The following SNX29 variants were observed in gnomAD, a reference collection of about 807,000 sequenced individuals.
The protein encoded by SNX29 is sorting nexin-29.
SNX29 carries 78 observed loss-of-function variants against 102.1 expected under a neutral mutation model. The observed-to-expected ratio is 0.76, with a 90% CI of 0.64 to 0.92. The LOEUF is 0.92. Among genes scored for constraint, SNX29 ranks in the 40% least tolerant of loss-of-function variants. The pLI is 0.00. For synonymous variants in SNX29, 580 were observed against 414.5 expected (o/e 1.40, Z -4.85); for missense variants, 1,280 against 1,061.7 (o/e 1.21, Z -2.86).
At position 12,571,756 on chromosome 16, in the gene SNX29, C is replaced by G; in HGVS notation, c.*3127C>G. 2 of 1,016,326 alleles carry G rather than the reference C, an allele frequency of 2.0e-6. No homozygotes were observed. Among genetic ancestry groups the G allele is most frequent in the Non-Finnish European group, 2.4e-6 (2 of 835,666 alleles). The allele number at this position is 1,016,326 out of a possible 1,614,324, so 63.0% of individuals were successfully genotyped here. A position where few individuals can be genotyped will look rare whatever the true frequency, so the allele number is the denominator to read the frequency against. ...TAGAAACCTAGCCCAACCATCCACTCCTGATCTGAGACAGAACCTTCTCCG... is the reference window on the plus strand; with the variant it reads ...TAGAAACCTAGCCCAACCATCCACTGCTGATCTGAGACAGAACCTTCTCCG... On this transcript the variant is annotated 3_prime_UTR_variant, in exon 21 of 21. Transcript: ENST00000566228.
chr16:12,015,794 C>T (rs557625224), intron 3 of SNX29, among the ~76,000 whole-genome samples: 1 of 152,150 alleles, frequency 6.6e-6, no homozygotes, highest in African/African-American at 2.4e-5. Context: ...CTTGGCCTCC[C>T]AAAGTGCTAG....
intron 16 of SNX29, among the ~76,000 whole-genome samples, chr16:12,363,996 C>T (rs2082378832): frequency 6.6e-6 from 1 of 151,930 alleles, no homozygotes; most frequent in Non-Finnish European, 1.5e-5. Flanking sequence ...ACTATATATA[C>T]TTTACTTTTT....
At chr16:11,994,775 C>T (rs1167386786) in intron 1 of SNX29, among the ~76,000 whole-genome samples, 2 of 152,174 alleles carry the variant, frequency 1.3e-5, no homozygotes, top group Non-Finnish European at 2.9e-5. Flanking sequence ...GCTGTACTCT[C>T]CACTGGATTC....
chr16:12,235,672 C>T (rs894897025), intron 14 of SNX29, among the ~76,000 whole-genome samples: 1 of 151,988 alleles, frequency 6.6e-6, no homozygotes, highest in African/African-American at 2.4e-5. Flanking sequence ...GAAAAAACCT[C>T]TGGGTAAAAA....
intron 15 of SNX29, among the ~76,000 whole-genome samples, chr16:12,316,311 G>A (rs904063064): frequency 6.6e-6 from 1 of 152,128 alleles, no homozygotes; most frequent in Non-Finnish European, 1.5e-5. Context: ...TCACAAGGCC[G>A]AGGTGGGTGG....
At position 12,570,026 on chromosome 16, in the gene SNX29, C is replaced by T. The variant is rs1020454217; in HGVS notation, c.*1397C>T. The T allele has an allele frequency of 2.6e-5, 9 of 347,184 alleles. No homozygotes were observed. Among genetic ancestry groups the T allele is most frequent in the Middle Eastern group, 1.0e-3 (1 of 1,002 alleles). The allele number at this position is 347,184 out of a possible 1,614,324, so 21.5% of individuals were successfully genotyped here. On this transcript the variant is annotated 3_prime_UTR_variant, in exon 21 of 21. Transcript: ENST00000566228. ...TTAAAATGAGAACTGCCCAGGTGAGCATGGAGCATCTCCTAGGCTCGAGGA... is the reference window on the plus strand; with the variant it reads ...TTAAAATGAGAACTGCCCAGGTGAGTATGGAGCATCTCCTAGGCTCGAGGA...
chr16:12,555,323 GT>G (rs1366272219), intron 20 of SNX29, among the ~76,000 whole-genome samples: 2 of 151,748 alleles, frequency 1.3e-5, no homozygotes, highest in Non-Finnish European at 2.9e-5. Context: ...TAGCCCCAGT[GT>G]TTCTTGGCAC....
rs115044329 is a variant in SNX29, at chr16:12,087,863, T to C, written c.1402+8948T>C. The C allele has an allele frequency of 3.6e-3, 1,634 of 456,808 alleles. 26 individuals are homozygous for C. The highest frequency in any genetic ancestry group is 0.029 in the African/African-American group (1,457 of 50,156). The allele number at this position is 456,808 out of a possible 1,614,324, so 28.3% of individuals were successfully genotyped here. ...GGTTGACGTGGCTGGGAAGCAGCAG[T>C]GTTTTGTGTTCGATAGGCTAAGCTG... On this transcript the variant is annotated intron_variant, in intron 11 of 20. Transcript: ENST00000566228.
intron 15 of SNX29, among the ~76,000 whole-genome samples, chr16:12,348,144 T>C (rs902507091): frequency 5.9e-5 from 9 of 152,166 alleles, no homozygotes; most frequent in Admixed American, 1.3e-4. Context: ...CACAAGGTCA[T>C]CCAGCAGTGA....
chr16:12,128,003 C>T (rs2054292623), intron 12 of SNX29, among the ~76,000 whole-genome samples: 1 of 152,132 alleles, frequency 6.6e-6, no homozygotes, highest in Non-Finnish European at 1.5e-5. Flanking sequence ...CTTTTACACA[C>T]AGTCATGATT....
At chr16:12,511,449 G>A (rs575580350) in intron 19 of SNX29, among the ~76,000 whole-genome samples, 12 of 152,160 alleles carry the variant, frequency 7.9e-5, no homozygotes, top group Non-Finnish European at 1.0e-4. Context: ...ACTCCACATC[G>A]TGCTTGGCAT....
At chr16:12,323,526 A>T (rs951829334) in intron 15 of SNX29, among the ~76,000 whole-genome samples, 1 of 151,952 alleles carries the variant, frequency 6.6e-6, no homozygotes, top group Non-Finnish European at 1.5e-5. Context: ...TTAAAAAAAA[A>T]AAAAAATGGT....
At chr16:12,385,177 GA>G (rs1320142611) in intron 16 of SNX29, among the ~76,000 whole-genome samples, 2 of 152,054 alleles carry the variant, frequency 1.3e-5, no homozygotes, top group African/African-American at 4.8e-5. Context: ...TCTCAAAAAA[GA>G]AAAAAGAAAA....
At chr16:12,535,356 G>A (rs558031557) in intron 20 of SNX29, among the ~76,000 whole-genome samples, 9 of 152,254 alleles carry the variant, frequency 5.9e-5, no homozygotes, top group East Asian at 1.9e-4. Flanking sequence ...GGCTGGTCTC[G>A]AACTCCTGGC....
chr16:12,250,366 A>G (rs1005215772), intron 14 of SNX29, among the ~76,000 whole-genome samples: 7 of 152,050 alleles, frequency 4.6e-5, no homozygotes, highest in African/African-American at 1.7e-4. Context: ...TCAGAGCCCC[A>G]GGAGAGAAGC....
intron 19 of SNX29, among the ~76,000 whole-genome samples, chr16:12,511,030 C>A (rs2089595226): frequency 6.6e-6 from 1 of 152,098 alleles, no homozygotes; most frequent in Non-Finnish European, 1.5e-5. Context: ...CATTTCGGCT[C>A]ACTGCAACCT....
At chr16:12,010,340 GC>G (rs1187206607) in intron 3 of SNX29, among the ~76,000 whole-genome samples, 2 of 152,126 alleles carry the variant, frequency 1.3e-5, no homozygotes, top group African/African-American at 4.8e-5. Context: ...GTTAATTATG[GC>G]CAGGTGCAGT....
intron 11 of SNX29, among the ~76,000 whole-genome samples, chr16:12,084,253 C>T (rs2151371912): frequency 6.6e-6 from 1 of 151,960 alleles, no homozygotes; most frequent in African/African-American, 2.4e-5. Flanking sequence ...TCAGGCTATT[C>T]TCCTGCCTCA....
intron 18 of SNX29, among the ~76,000 whole-genome samples, chr16:12,447,773 G>A (rs2086128460): frequency 6.6e-6 from 1 of 152,208 alleles, no homozygotes; most frequent in Non-Finnish European, 1.5e-5. Flanking sequence ...CACTTGGCGA[G>A]AGTGCTTCAT....
Sources: gnomAD v4.1 joint callset for allele counts (sites outside exome capture counted in the v4.1 genomes callset) on GRCh38, gnomAD v4.1.1 for gene constraint, MANE v1.5 for transcripts, NCBI Gene and HGNC (gene_info 2026-07-23, HGNC 2026-07-21) for gene names.